The following PBX4 variants were observed in gnomAD, a reference collection of about 807,000 sequenced individuals.
The protein encoded by PBX4 is pre-B-cell leukemia transcription factor 4.
PBX4 carries 26 observed loss-of-function variants against 35.1 expected under a neutral mutation model. That is an observed-to-expected ratio of 0.74 (90% confidence interval 0.54 to 1.03). The LOEUF is 1.03. Among genes scored for constraint, PBX4 ranks in the 50% least tolerant of loss-of-function variants. The probability of loss-of-function intolerance (pLI) is 0.00; values close to 1 mark genes in which losing one functional copy is unlikely to be tolerated. For missense variants in PBX4, 448 were observed against 504.3 expected (o/e 0.89, Z 1.07); for synonymous variants, 199 against 204.2 (o/e 0.97, Z 0.22).
chr19:19,602,161 G>T (rs770755408), intron 1 of PBX4, among the ~76,000 whole-genome samples: 1 of 152,050 alleles, frequency 6.6e-6, no homozygotes, highest in Non-Finnish European at 1.5e-5. Context: ...GGCTGGGCAC[G>T]GTAGCTCACG....
At chr19:19,617,111 CT>C (rs376804506) in intron 1 of PBX4, among the ~76,000 whole-genome samples, 26 of 152,334 alleles carry the variant, frequency 1.7e-4, no homozygotes, top group African/African-American at 5.8e-4. Context: ...CAAAGATGTT[CT>C]TCTCCACCTG....
intron 1 of PBX4, among the ~76,000 whole-genome samples, chr19:19,610,002 T>C (rs1760530192): frequency 6.6e-6 from 1 of 152,192 alleles, no homozygotes; most frequent in African/African-American, 2.4e-5. Context: ...TTTAAATGAG[T>C]GAGTGGTACT....
rs151162080 is a variant in PBX4 at position 19,599,343 on chromosome 19, G to A, written c.142C>T (p.Arg48Trp). 30 of 1,613,186 alleles carry A rather than the reference G, an allele frequency of 1.9e-5. No homozygotes were observed. The highest frequency in any genetic ancestry group is 7.7e-5 in the South Asian group (7 of 91,060). The change falls in exon 2 of 8, where the codon CGG (arginine) becomes TGG (tryptophan). Residue 48 changes from arginine to tryptophan, a missense_variant. Arg to Trp is a moderately radical substitution (Grantham distance 101, BLOSUM62 -3). Coordinates refer to ENST00000251203, the MANE Select transcript of PBX4 (RefSeq NM_025245.3). The part of the protein sequence containing the change: ...QARKHALNCH[R>W]MKPALFSVLC... ...ACGCTGAACAGAGCAGGCTTCATCC[G>A]ATGGCAATTCAGAGCATGCTTTCTG...
At chr19:19,577,653 G>A (rs1258280643) in intron 2 of PBX4, among the ~76,000 whole-genome samples, 2 of 152,160 alleles carry the variant, frequency 1.3e-5, no homozygotes. Context: ...GAGGTCAAGA[G>A]GTCGAGACCA....
intron 2 of PBX4, among the ~76,000 whole-genome samples, chr19:19,589,361 G>C (rs1452336933): frequency 6.6e-6 from 1 of 151,850 alleles, no homozygotes; most frequent in Non-Finnish European, 1.5e-5. Flanking sequence ...CCGAACCCAG[G>C]AGGTGGAGCT....
Position 19,564,825 on chromosome 19 carries a change from T to C in PBX4, c.925+108A>G, listed in dbSNP as rs554587450. ...AAACAGAAGAAAGAGTTACACAGAGTTGACCACTGGGGGAAGGGAGATGTG... is the reference window on the plus strand; with the variant it reads ...AAACAGAAGAAAGAGTTACACAGAGCTGACCACTGGGGGAAGGGAGATGTG... On this transcript the variant is annotated intron_variant, in intron 6 of 7. Coordinates refer to ENST00000251203, the MANE Select transcript of PBX4 (RefSeq NM_025245.3). The C allele has an allele frequency of 6.2e-5, 85 of 1,364,154 alleles. No individual in the cohort carries two copies. In the East Asian group the frequency reaches 1.2e-3, roughly 20 times the overall value. 84.5% of individuals were successfully genotyped at this position (1,364,154 alleles called of 1,614,324 possible).
At chr19:19,573,328 T>TACACAC (rs1387587008) in intron 2 of PBX4, among the ~76,000 whole-genome samples, 8,927 of 91,938 alleles carry the variant, frequency 0.097, 468 homozygotes, top group East Asian at 0.15. Flanking sequence ...AAAAAAAAAA[T>TACACAC]ATACACACAC....
Position 19,561,856 on chromosome 19 carries a change from G to C in PBX4, c.*169C>G. ...GTGGCGTTTCAGGCCATCTCGAGTCGCAGCAGACACATGAGCCGGCGCCAC... is the reference window on the plus strand; with the variant it reads ...GTGGCGTTTCAGGCCATCTCGAGTCCCAGCAGACACATGAGCCGGCGCCAC... On this transcript the variant is annotated 3_prime_UTR_variant, in exon 8 of 8. Transcript: ENST00000251203. The C allele has an allele frequency of 1.9e-6, 1 of 512,984 alleles. No homozygotes were observed. The highest frequency in any genetic ancestry group is 3.4e-6 in the Non-Finnish European group (1 of 291,336). The allele number at this position is 512,984 out of a possible 1,614,324, so 31.8% of individuals were successfully genotyped here.
Position 19,570,191 on chromosome 19 carries a change from T to A in PBX4, c.550A>T (p.Lys184Ter). The change falls in exon 4 of 8, where the codon AAG becomes TAG. Residue 184 changes from lysine (K) to a stop codon, truncating the protein, a stop_gained. Coordinates refer to ENST00000251203, the MANE Select transcript of PBX4 (RefSeq NM_025245.3). LOFTEE classifies it high-confidence loss of function. ...IERMVGAIHG[K>*]FSAIQMQLKQ... ...AACTGCATCTGGATGGCGCTGAACT[T>A]GCCGTGAATGGCGCCGACCATGCGC... 1 of 1,614,102 alleles carries A rather than the reference T, an allele frequency of 6.2e-7. No homozygotes were observed. The highest frequency in any genetic ancestry group is 8.5e-7 in the Non-Finnish European group (1 of 1,180,022).
intron 2 of PBX4, among the ~76,000 whole-genome samples, chr19:19,573,993 G>A (rs922604194): frequency 6.6e-6 from 1 of 152,130 alleles, no homozygotes; most frequent in Admixed American, 6.5e-5. Context: ...GCCTCCCAAT[G>A]TGCTGGGATT....
chr19:19,582,219 G>A (rs992842151), intron 2 of PBX4, among the ~76,000 whole-genome samples: 19 of 152,208 alleles, frequency 1.2e-4, no homozygotes, highest in Non-Finnish European at 1.9e-4. Flanking sequence ...GGAAGTGCTG[G>A]GTAGAGAAGG....
chr19:19,579,718 C>G (rs972915039), intron 2 of PBX4: 1 of 152,360 alleles, frequency 6.6e-6, no homozygotes, highest in Non-Finnish European at 1.5e-5. Flanking sequence ...CTCCGCTGGC[C>G]GCAAGCCCCA....
chr19:19,581,966 C>G (rs2061457267), intron 2 of PBX4, among the ~76,000 whole-genome samples: 1 of 152,118 alleles, frequency 6.6e-6, no homozygotes, highest in Admixed American at 6.5e-5. Flanking sequence ...GCCTGATTCC[C>G]CAGGAGAGTG....
chr19:19,570,283 G>A lies in PBX4; in HGVS notation c.458C>T (p.Thr153Ile). 6 of 1,608,366 alleles carry A rather than the reference G, an allele frequency of 3.7e-6. No homozygotes were observed. Among genetic ancestry groups the A allele is most frequent in the Non-Finnish European group, 5.1e-6 (6 of 1,176,434 alleles). The change falls in exon 4 of 8, where the codon ACC (threonine) becomes ATC (isoleucine). Residue 153 changes from threonine (T) to isoleucine (I), a missense_variant. Coordinates refer to ENST00000251203, the MANE Select transcript of PBX4 (RefSeq NM_025245.3). ...CTGGAGGAGGTTGGTGACGTGCGTG[G>A]TGAACTCACGACAGGCCTGGGGTGG... ...EKYEQACREFTTHVTNLLQEQ... is the reference protein window; with the variant it reads ...EKYEQACREFITHVTNLLQEQ...
chr19:19,591,277 A>G (rs565497556), intron 2 of PBX4, among the ~76,000 whole-genome samples: 1 of 152,274 alleles, frequency 6.6e-6, no homozygotes, highest in African/African-American at 2.4e-5. Context: ...GGAAAGCCCC[A>G]TGAGCACCAT....
At position 19,563,617 on chromosome 19, in the gene PBX4, T is replaced by C. The variant is rs1226032730; in HGVS notation, c.926-2A>G. The C allele has an allele frequency of 6.5e-7, 1 of 1,548,502 alleles. No homozygotes were observed. Among genetic ancestry groups the C allele is most frequent in the East Asian group, 2.4e-5 (1 of 41,012 alleles). On this transcript the variant is annotated splice_acceptor_variant, in intron 6 of 7. Coordinates refer to ENST00000251203, the MANE Select transcript of PBX4 (RefSeq NM_025245.3). LOFTEE classifies it high-confidence loss of function. This position sits in a 1 kb window ranked among gnomAD's most constrained non-coding sequence, Gnocchi z 5.1. ...GCAGCGGGAAGGGTCCAGAGGAGCC[T>C]GGAAGAGATGGGAGCCGGGGTGGGC...
chr19:19,563,675 C>T lies in PBX4; in HGVS notation c.926-60G>A, dbSNP rs2061322782. On this transcript the variant is annotated intron_variant, in intron 6 of 7. Transcript: ENST00000251203. The surrounding 1 kb of genome is among the most constrained non-coding windows in gnomAD (Gnocchi z 5.1). ...TGGCGCCTCCTCAGGTGGAACCCAC[C>T]CAGCCCCTCAGCCGGCAGGAGGCCT... The T allele has an allele frequency of 3.5e-6, 5 of 1,411,726 alleles. No homozygotes were observed. The East Asian group carries it at 7.5e-5, about 21-fold the overall frequency. 87.4% of individuals were successfully genotyped at this position (1,411,726 alleles called of 1,614,324 possible).
At chr19:19,617,305 G>T (rs1460062611) in intron 1 of PBX4, among the ~76,000 whole-genome samples, 1 of 151,962 alleles carries the variant, frequency 6.6e-6, no homozygotes, top group Non-Finnish European at 1.5e-5. Context: ...TACCATGCCT[G>T]GCTTATACTT....
intron 2 of PBX4, among the ~76,000 whole-genome samples, chr19:19,572,872 AAAAG>A (rs1352623757): frequency 7.3e-6 from 1 of 137,418 alleles, no homozygotes; most frequent in African/African-American, 2.6e-5. Flanking sequence ...AAAAAAAAAA[AAAAG>A]AGATTTCCAC....
Sources: allele counts gnomAD v4.1 joint callset (sites outside exome capture counted in the v4.1 genomes callset), GRCh38; gene constraint gnomAD v4.1.1; non-coding constraint Gnocchi (gnomAD v3.1); transcripts MANE v1.5; gene names NCBI Gene and HGNC (gene_info 2026-07-23, HGNC 2026-07-21).